The following GFI1B variants were observed in gnomAD, a reference collection of about 807,000 sequenced individuals.
GFI1B encodes growth factor independent 1B transcriptional repressor.
In GFI1B, 20 loss-of-function variants were observed where a neutral mutation model predicts 35.3. The ratio of observed to expected loss-of-function variants is 0.57; its 90% confidence interval spans 0.40 to 0.82. The LOEUF (loss-of-function observed/expected upper bound fraction) is 0.82. GFI1B is among the 40% of genes least tolerant of loss of function. The probability of loss-of-function intolerance (pLI) is 0.00; values close to 1 mark genes in which losing one functional copy is unlikely to be tolerated. For missense variants in GFI1B, 430 were observed against 446.3 expected (o/e 0.96, Z 0.33); for synonymous variants, 178 against 177.6 (o/e 1.00, Z -0.02).
chr9:132,966,686 C>T (rs907241156), intron 1 of GFI1B, among the ~76,000 whole-genome samples: 1 of 152,222 alleles, frequency 6.6e-6, no homozygotes, highest in African/African-American at 2.4e-5. Flanking sequence ...AAGTCCTAAC[C>T]TGCAGATTGC....
At chr9:132,950,269 C>G (rs1848180868) in intron 1 of GFI1B, among the ~76,000 whole-genome samples, 1 of 152,118 alleles carries the variant, frequency 6.6e-6, no homozygotes. Context: ...TCCTCCAAGA[C>G]TCAACTCCAA....
chr9:132,973,076 C>T (rs1848558140), intron 2 of GFI1B, among the ~76,000 whole-genome samples: 1 of 152,250 alleles, frequency 6.6e-6, no homozygotes, highest in Non-Finnish European at 1.5e-5. Context: ...AGCCCCAATG[C>T]CCAGCCGGCT....
intron 1 of GFI1B, among the ~76,000 whole-genome samples, chr9:132,964,188 C>T (rs978552211): frequency 7.2e-5 from 11 of 152,162 alleles, no homozygotes; most frequent in Non-Finnish European, 1.2e-4. Context: ...TGCAGTGAGC[C>T]GAGACCACGC....
Position 132,988,148 on chromosome 9 carries a change from A to G in GFI1B, c.239-49A>G, listed in dbSNP as rs373721030. On this transcript the variant is annotated intron_variant, in intron 3 of 6. Coordinates refer to ENST00000372122, the MANE Select transcript of GFI1B (RefSeq NM_001377304.1). ...GGCATGAGCCACGCCACTGTGCCCA[A>G]CCCCCTGTGTTTAAATGAGTAACCA... The G allele has an allele frequency of 2.5e-6, 4 of 1,581,336 alleles. No homozygotes were observed. The South Asian group carries it at 3.3e-5, about 13-fold the overall frequency.
At chr9:132,988,699 G>A (rs1053161230) in intron 4 of GFI1B, among the ~76,000 whole-genome samples, 10 of 152,220 alleles carry the variant, frequency 6.6e-5, no homozygotes, top group Non-Finnish European at 1.0e-4. Context: ...TTAAGGTTCA[G>A]AGAGGTTAAG....
At chr9:132,976,215 G>T (rs1277506157), upstream of GFI1B, among the ~76,000 whole-genome samples, 1 of 149,762 alleles carries the variant, frequency 6.7e-6, no homozygotes, top group East Asian at 1.9e-4. Context: ...AACCATTAAA[G>T]ATTTAATGGT....
chr9:132,963,890 A>G (rs967139956), intron 1 of GFI1B: 9 of 152,220 alleles, frequency 5.9e-5, no homozygotes, highest in African/African-American at 2.2e-4. Flanking sequence ...GTCAAGAACC[A>G]AGATTTCCAA....
chr9:132,987,613 G>A (rs187870849), intron 3 of GFI1B, among the ~76,000 whole-genome samples, 194 bp downstream of exon 3: 144 of 152,280 alleles, frequency 9.5e-4, no homozygotes, highest in Non-Finnish European at 1.8e-3. Context: ...GGGCTAGGTG[G>A]GAGAAGAGGC....
chr9:132,974,652 A>AGT (rs1848595057), upstream of GFI1B, among the ~76,000 whole-genome samples: 1 of 150,294 alleles, frequency 6.7e-6, no homozygotes, highest in Non-Finnish European at 1.5e-5. Context: ...TTTTCAGATA[A>AGT]GTGTGAATGC....
intron 1 of GFI1B, among the ~76,000 whole-genome samples, chr9:132,967,447 C>G (rs1313228045): frequency 6.6e-6 from 1 of 152,038 alleles, no homozygotes; most frequent in Non-Finnish European, 1.5e-5. Context: ...AAGAAAGGGG[C>G]AGGGGGTGCT....
At position 132,989,200 on chromosome 9, in the gene GFI1B, T is replaced by A. The variant is rs751873993; in HGVS notation, c.648+2T>A. 1 of 1,612,302 alleles carries A rather than the reference T, an allele frequency of 6.2e-7. No homozygotes were observed. On this transcript the variant is annotated splice_donor_variant, in intron 5 of 6. Coordinates refer to ENST00000372122, the MANE Select transcript of GFI1B (RefSeq NM_001377304.1). LOFTEE classifies it high-confidence loss of function. The surrounding 1 kb of genome is among the most constrained non-coding windows in gnomAD (Gnocchi z 6.2). ...CAGCACACGCACGTCCACTCCCAGG[T>A]GGGCACCTGGCCCAGCGCAGGACTC...
In GFI1B at chr9:132,986,753, G is replaced by A. The variant is rs760342693; in HGVS notation, c.75G>A (p.Pro25=). The A allele has an allele frequency of 1.1e-5, 17 of 1,611,784 alleles. No homozygotes were observed. The highest frequency in any genetic ancestry group is 2.7e-5 in the African/African-American group (2 of 74,914). The change falls in exon 2 of 7, where the codon CCG becomes CCA. Residue 25 remains proline, a synonymous_variant. Coordinates refer to ENST00000372122, the MANE Select transcript of GFI1B (RefSeq NM_001377304.1). ...AGCCCCGTGTGCAGGAAGATGAACCGCTCTGGCCTCCTGCCCTTACCCCGG... is the reference window on the plus strand; with the variant it reads ...AGCCCCGTGTGCAGGAAGATGAACCACTCTGGCCTCCTGCCCTTACCCCGG... ...YHQPRVQEDE[P]LWPPALTPVP...
intron 1 of GFI1B, among the ~76,000 whole-genome samples, chr9:132,965,396 G>A (rs534222369): frequency 3.2e-4 from 49 of 152,204 alleles, no homozygotes; most frequent in African/African-American, 1.1e-3. Context: ...TGTGCTGTTC[G>A]TGACAAAATT....
chr9:132,979,253 T>A (rs932263568), intron 1 of GFI1B, among the ~76,000 whole-genome samples: 5 of 84,582 alleles, frequency 5.9e-5, no homozygotes, highest in East Asian at 3.1e-4. Context: ...ACACTTTTTT[T>A]TTTTTTTTTT....
At position 132,989,508 on chromosome 9, in the gene GFI1B, G is replaced by C; in HGVS notation, c.649-234G>C. On this transcript the variant is annotated intron_variant, in intron 5 of 6. Transcript: ENST00000372122. The surrounding 1 kb of genome is among the most constrained non-coding windows in gnomAD (Gnocchi z 6.2). ...TCAGTCAGTCCATCAGTCAATCAAC[G>C]AACATTTATTGAGGTTTATTTTGAG... 1.0e-5 allele frequency: 6 copies of C among 601,816 alleles called. No individual in the cohort carries two copies. The South Asian group carries it at 1.2e-4, about 12-fold the overall frequency. The allele number at this position is 601,816 out of a possible 1,614,324, so 37.3% of individuals were successfully genotyped here. A position where few individuals can be genotyped will look rare whatever the true frequency, so the allele number is the denominator to read the frequency against.
At chr9:132,947,883 T>C (rs1848145341) in intron 1 of GFI1B, among the ~76,000 whole-genome samples, 2 of 151,232 alleles carry the variant, frequency 1.3e-5, no homozygotes, top group African/African-American at 2.4e-5. Flanking sequence ...AACAGTGAGA[T>C]TGGTTGCAGC....
intron 4 of GFI1B, 68 bp from the exon 5 acceptor site, chr9:132,988,993 C>A: frequency 6.7e-7 from 1 of 1,493,800 alleles, no homozygotes; most frequent in Non-Finnish European, 9.3e-7. Context: ...TGGAAGAGAC[C>A]ATGGGACCCC....
At chr9:132,968,770 A>T (rs1848488428) in intron 1 of GFI1B, among the ~76,000 whole-genome samples, 1 of 152,188 alleles carries the variant, frequency 6.6e-6, no homozygotes, top group South Asian at 2.1e-4. Flanking sequence ...AGAGGCATGG[A>T]GGTTTTGTGG....
intron 1 of GFI1B, among the ~76,000 whole-genome samples, chr9:132,957,974 G>A (rs555387924): frequency 1.2e-4 from 19 of 152,256 alleles, no homozygotes; most frequent in African/African-American, 4.6e-4. Flanking sequence ...ACAGGTAAGG[G>A]AACTGAGTCA....
Sources: allele counts gnomAD v4.1 joint callset (sites outside exome capture counted in the v4.1 genomes callset), GRCh38; gene constraint gnomAD v4.1.1; non-coding constraint Gnocchi (gnomAD v3.1); transcripts MANE v1.5; gene names NCBI Gene and HGNC (gene_info 2026-07-23, HGNC 2026-07-21).